THEM4: variants seen among roughly 807,000 people sequenced by gnomAD.
The protein encoded by THEM4 is thioesterase superfamily member 4.
A neutral mutation model predicts 25.0 loss-of-function variants in THEM4; 22 were observed. That is an observed-to-expected ratio of 0.88 (90% CI 0.63 to 1.26). THEM4 has a LOEUF of 1.26. Ranked by LOEUF, THEM4 falls within the 50% of genes most tolerant of loss-of-function variation. The pLI, the probability that THEM4 is intolerant of heterozygous loss-of-function variation, is 0.00. For synonymous variants in THEM4, 113 were observed against 105.6 expected, an observed-to-expected ratio of 1.07 and a Z score of -0.43; for missense variants, 286 against 300.3, an observed-to-expected ratio of 0.95 and a Z score of 0.35.
Position 151,883,574 on chromosome 1 carries a change from A to G in THEM4, c.557+4699T>C, listed in dbSNP as rs533040386. ...GAGATTTGGGTGGCGACACAAAGCC[A>G]AACCATATCAGAATTATAAAATGTC... On this transcript the variant is annotated intron_variant, in intron 4 of 5. Coordinates refer to ENST00000368814, the MANE Select transcript of THEM4 (RefSeq NM_053055.5). Among the ~76,000 whole-genome samples the G allele has an allele frequency of 4.7e-4, 72 of 152,268 alleles. 1 individual carries two copies. The highest frequency in any genetic ancestry group is 1.6e-3 in the African/African-American group (68 of 41,564).
chr1:151,908,357 C>T (rs1243919967), intron 1 of THEM4, among the ~76,000 whole-genome samples: 2 of 152,186 alleles, frequency 1.3e-5, no homozygotes, highest in African/African-American at 2.4e-5. Flanking sequence ...TCCTTGGGGG[C>T]GTGGCCTGTA....
intron 4 of THEM4, among the ~76,000 whole-genome samples, chr1:151,880,409 C>A (rs932811328): frequency 6.6e-6 from 1 of 151,612 alleles, no homozygotes. Context: ...ATCCAGCAGG[C>A]GGAGGTTGCC....
chr1:151,883,050 GGAGAGA>G (rs10549601), intron 4 of THEM4, among the ~76,000 whole-genome samples: 1 of 149,794 alleles, frequency 6.7e-6, no homozygotes, highest in Non-Finnish European at 1.5e-5. Flanking sequence ...CATGGTGGCA[GGAGAGA>G]GAGAGAGAGA....
intron 2 of THEM4, among the ~76,000 whole-genome samples, chr1:151,894,096 C>CA (rs1338412376): frequency 2.6e-5 from 4 of 152,218 alleles, no homozygotes; most frequent in Non-Finnish European, 5.9e-5. Flanking sequence ...CCCCTGACCT[C>CA]AAGTGATCCG....
At chr1:151,878,830 CAA>C (rs917880149) in intron 4 of THEM4, among the ~76,000 whole-genome samples, 41 of 141,494 alleles carry the variant, frequency 2.9e-4, no homozygotes, top group African/African-American at 8.9e-4. Context: ...AAAGTGATAA[CAA>C]AGATAAAAGC....
intron 2 of THEM4, 169 bp downstream of exon 2, chr1:151,894,839 T>A: frequency 1.3e-6 from 1 of 747,022 alleles, no homozygotes; most frequent in Non-Finnish European, 2.2e-6. Context: ...CTTTATGCTC[T>A]CCAATCTGCA....
chr1:151,884,535 G>A (rs1162038587), intron 4 of THEM4, among the ~76,000 whole-genome samples: 1 of 152,160 alleles, frequency 6.6e-6, no homozygotes, highest in East Asian at 1.9e-4. Flanking sequence ...CAGAGGAAAT[G>A]TTCTGACCTT....
chr1:151,897,030 G>A (rs918292538), intron 1 of THEM4, among the ~76,000 whole-genome samples: 8 of 152,166 alleles, frequency 5.3e-5, no homozygotes, highest in Non-Finnish European at 1.2e-4. Context: ...TTACTCCAAT[G>A]CCCAGGCAAC....
At chr1:151,875,010 C>T (rs1653643241) in intron 5 of THEM4, 82 bp from the exon 6 acceptor site, 1 of 1,103,736 alleles carries the variant, frequency 9.1e-7, no homozygotes, top group Non-Finnish European at 1.4e-6. Flanking sequence ...AAGACATATA[C>T]AAAAGAAGGA....
intron 4 of THEM4, 57 bp downstream of exon 4, chr1:151,888,216 A>G: frequency 2.9e-6 from 4 of 1,391,956 alleles, no homozygotes; most frequent in Non-Finnish European, 4.0e-6. Context: ...AAGATCTGCA[A>G]CTGGGAACCT....
Position 151,888,255 on chromosome 1 carries a change from G to C in THEM4, c.557+18C>G. 1 of 1,591,236 alleles carries C rather than the reference G, an allele frequency of 6.3e-7. No individual in the cohort carries two copies. Among genetic ancestry groups the C allele is most frequent in the Non-Finnish European group, 8.6e-7 (1 of 1,162,796 alleles). On this transcript the variant is annotated intron_variant, in intron 4 of 5. Coordinates refer to ENST00000368814, the MANE Select transcript of THEM4 (RefSeq NM_053055.5). ...TTAACAACACCTAAGGATAAATAGA[G>C]AATTACTGTGAATTTACCTTTTATA...
chr1:151,886,482 A>G (rs1232914777), intron 4 of THEM4, among the ~76,000 whole-genome samples: 1 of 152,214 alleles, frequency 6.6e-6, no homozygotes, highest in African/African-American at 2.4e-5. Context: ...TTGAACATGG[A>G]AAAATATTTT....
At chr1:151,905,191 G>C (rs899200562) in intron 1 of THEM4, among the ~76,000 whole-genome samples, 1 of 152,210 alleles carries the variant, frequency 6.6e-6, no homozygotes, top group Non-Finnish European at 1.5e-5. Flanking sequence ...AGAACAGGGT[G>C]GAGCCACAGA....
At chr1:151,904,345 T>C (rs764629802) in intron 1 of THEM4, among the ~76,000 whole-genome samples, 2 of 152,196 alleles carry the variant, frequency 1.3e-5, no homozygotes, top group East Asian at 3.8e-4. Flanking sequence ...GACAAAAATA[T>C]ATGTATTTTA....
intron 5 of THEM4, among the ~76,000 whole-genome samples, chr1:151,876,395 T>C (rs1653670670): frequency 6.6e-6 from 1 of 152,106 alleles, no homozygotes; most frequent in East Asian, 1.9e-4. Context: ...TTGCAGTTAT[T>C]ATACCTGTGA....
In THEM4 at chr1:151,871,655, G is replaced by A. The variant is rs1653556490; in HGVS notation, c.*3233C>T. Among the ~76,000 whole-genome samples the A allele has an allele frequency of 6.6e-6, 1 of 152,194 alleles. No homozygotes were observed. Among genetic ancestry groups the A allele is most frequent in the Admixed American group, 6.5e-5 (1 of 15,282 alleles). Reference sequence around the variant, plus strand: ...CTTTTTCCTTAGTTGATCTTGTGCAGCATCTAACCTGGATGTGAGCAAACC... The same window carrying A: ...CTTTTTCCTTAGTTGATCTTGTGCAACATCTAACCTGGATGTGAGCAAACC... On this transcript the variant is annotated 3_prime_UTR_variant, in exon 6 of 6. Coordinates refer to ENST00000368814, the MANE Select transcript of THEM4 (RefSeq NM_053055.5).
At chr1:151,876,621 G>T (rs779151585) in intron 5 of THEM4, among the ~76,000 whole-genome samples, 6 of 151,644 alleles carry the variant, frequency 4.0e-5, no homozygotes, top group Non-Finnish European at 5.9e-5. Flanking sequence ...CTAATTTTTT[G>T]TATTTTTTGT....
At chr1:151,879,026 C>T (rs567257796) in intron 4 of THEM4, among the ~76,000 whole-genome samples, 1 of 151,458 alleles carries the variant, frequency 6.6e-6, no homozygotes, top group South Asian at 2.1e-4. Context: ...TACATAAATA[C>T]TATTGGGGCC....
intron 1 of THEM4, among the ~76,000 whole-genome samples, chr1:151,903,994 G>C (rs541380679): frequency 6.6e-6 from 1 of 152,334 alleles, no homozygotes; most frequent in East Asian, 1.9e-4. Flanking sequence ...TCAAGTGTTA[G>C]CAGCCTTGGA....
Sources: gnomAD v4.1 joint callset for allele counts (sites outside exome capture counted in the v4.1 genomes callset) on GRCh38, gnomAD v4.1.1 for gene constraint, MANE v1.5 for transcripts, NCBI Gene and HGNC (gene_info 2026-07-23, HGNC 2026-07-21) for gene names.